OSBPL2: variants seen among roughly 807,000 people sequenced by gnomAD.
OSBPL2 encodes the protein oxysterol-binding protein-related protein 2.
OSBPL2 carries 18 observed loss-of-function variants against 58.4 expected under a neutral mutation model. The ratio of observed to expected loss-of-function variants is 0.31; its 90% CI spans 0.21 to 0.46. The LOEUF (loss-of-function observed/expected upper bound fraction) is 0.46, where lower values mean the gene tolerates loss of function less well. OSBPL2 is among the 20% of genes least tolerant of loss of function. The pLI, the probability that OSBPL2 is intolerant of heterozygous loss-of-function variation, is 1.00. For synonymous variants in OSBPL2, 221 were observed against 234.1 expected, an observed-to-expected ratio of 0.94 and a Z score of 0.51; for missense variants, 461 against 616.5, an observed-to-expected ratio of 0.75 and a Z score of 2.67.
At position 62,296,088 on chromosome 20, in the gene OSBPL2, T is replaced by C. The variant is rs1983841360; in HGVS notation, c.*2201T>C. On this transcript the variant is annotated 3_prime_UTR_variant, in exon 14 of 14. Transcript: ENST00000313733. ...CTTTTTACTACTTTTTGTTACTGTT[T>C]CTGCAAATGCTAACACATAAACCAT... 1.3e-5 allele frequency: 2 copies of C among 152,272 alleles called. No individual in the cohort carries two copies. The highest frequency in any genetic ancestry group is 2.1e-4 in the South Asian group (1 of 4,834). 9.4% of individuals were successfully genotyped at this position (152,272 alleles called of 1,614,324 possible).
intron 2 of OSBPL2, 35 bp from the exon 3 acceptor site, chr20:62,259,946 T>G: frequency 1.2e-6 from 2 of 1,602,196 alleles, no homozygotes; most frequent in Non-Finnish European, 1.7e-6. Context: ...ATCTTTCAGG[T>G]CCAGCGAAAA....
At chr20:62,289,006 T>G (rs557711044) in intron 11 of OSBPL2, among the ~76,000 whole-genome samples, 1 of 152,298 alleles carries the variant, frequency 6.6e-6, no homozygotes, top group East Asian at 1.9e-4. Flanking sequence ...ATGCAAACGT[T>G]ACAGCCGCAG....
intron 4 of OSBPL2, among the ~76,000 whole-genome samples, chr20:62,268,122 C>T (rs1299535657): frequency 7.0e-6 from 1 of 142,160 alleles, no homozygotes; most frequent in Non-Finnish European, 1.5e-5. Context: ...TGGTCTCAAA[C>T]TCCTGACCTT....
chr20:62,263,837 G>A lies in OSBPL2; in HGVS notation c.258+146G>A, dbSNP rs1981482932. 3 of 678,808 alleles carry A rather than the reference G, an allele frequency of 4.4e-6. No homozygotes were observed. In the African/African-American group the frequency reaches 5.3e-5, roughly 12 times the overall value. The allele number at this position is 678,808 out of a possible 1,614,324, so 42.0% of individuals were successfully genotyped here. ...TCTCAGCACTTTGGGAGGCCGAGGT[G>A]GGCGGATCACGAGGTCAGGAGATCG... is the stretch of plus-strand genomic sequence containing the variant. On this transcript the variant is annotated intron_variant, in intron 4 of 13. Transcript: ENST00000313733.
chr20:62,256,274 G>A (rs2145927626), intron 2 of OSBPL2, 53 bp downstream of exon 2: 7 of 1,547,866 alleles, frequency 4.5e-6, no homozygotes, highest in Non-Finnish European at 6.2e-6. Flanking sequence ...AACGTCCCTG[G>A]ATTCAGATGT....
At chr20:62,252,879 T>C (rs1980653810) in intron 1 of OSBPL2, among the ~76,000 whole-genome samples, 1 of 152,214 alleles carries the variant, frequency 6.6e-6, no homozygotes, top group Admixed American at 6.5e-5. Context: ...CACTCATCCT[T>C]GCCCAGGACC....
chr20:62,249,808 A>G (rs979385916), intron 1 of OSBPL2, among the ~76,000 whole-genome samples: 1 of 152,182 alleles, frequency 6.6e-6, no homozygotes, highest in Non-Finnish European at 1.5e-5. Context: ...TCCCGACCTC[A>G]GGTGATCCAC....
chr20:62,290,815 T>C (rs1983461090), intron 12 of OSBPL2, among the ~76,000 whole-genome samples: 1 of 148,832 alleles, frequency 6.7e-6, no homozygotes, highest in Non-Finnish European at 1.5e-5. Context: ...CTCGGCTCAC[T>C]GCAACCTCTG....
At position 62,241,240 on chromosome 20, in the gene OSBPL2, G is replaced by A. The variant is rs976508110; in HGVS notation, c.-129+2643G>A. Among the ~76,000 whole-genome samples, 7 of 151,674 alleles carry A rather than the reference G, an allele frequency of 4.6e-5. No homozygotes were observed. The South Asian group carries it at 1.2e-3, about 27-fold the overall frequency. ...GGCTGGAGTGCAGTGGCGCGAACTC[G>A]GCTCACTGCAAACGCGAACTCAGCT... On this transcript the variant is annotated intron_variant, in intron 1 of 13. Coordinates refer to ENST00000313733, the MANE Select transcript of OSBPL2 (RefSeq NM_144498.4).
At chr20:62,264,949 C>G (rs573819200) in intron 4 of OSBPL2, among the ~76,000 whole-genome samples, 2 of 152,174 alleles carry the variant, frequency 1.3e-5, no homozygotes, top group Non-Finnish European at 2.9e-5. Context: ...GTGAGGTACC[C>G]TTGCCAGGGC....
At position 62,283,680 on chromosome 20, in the gene OSBPL2, T is replaced by G. The variant is rs541906144; in HGVS notation, c.873-366T>G. 3.6e-4 allele frequency among the ~76,000 whole-genome samples: 55 copies of G among 152,258 alleles called. 1 individual carries two copies. The highest frequency in any genetic ancestry group is 1.1e-3 in the African/African-American group (47 of 41,538). On this transcript the variant is annotated intron_variant, in intron 9 of 13. Transcript: ENST00000313733. ...CAGCTTTACATTTTAAAACGCTCAC[T>G]CTTTTTTGCCCCTTCCCGTCTCCTG...
At chr20:62,245,702 C>T (rs1276320018) in intron 1 of OSBPL2, among the ~76,000 whole-genome samples, 1 of 152,228 alleles carries the variant, frequency 6.6e-6, no homozygotes, top group Non-Finnish European at 1.5e-5. Flanking sequence ...AGGGCAAAGG[C>T]CTGAGCGGCC....
Position 62,256,040 on chromosome 20 carries a change from A to C in OSBPL2, c.-128-17A>C. The C allele has an allele frequency of 1.1e-6, 1 of 892,952 alleles. No homozygotes were observed. Among genetic ancestry groups the C allele is most frequent in the Non-Finnish European group, 1.7e-6 (1 of 604,600 alleles). 55.3% of individuals were successfully genotyped at this position (892,952 alleles called of 1,614,324 possible). The stretch of plus-strand genomic sequence containing the variant: ...AACTTCTGGAAGCTAAGTATGCCAA[A>C]ATTTTTTTCCCTTTAGATCTTCAGT... On this transcript the variant is annotated splice_polypyrimidine_tract_variant and intron_variant, in intron 1 of 13. Transcript: ENST00000313733.
chr20:62,242,522 A>G (rs1979799910), intron 1 of OSBPL2: 1 of 152,112 alleles, frequency 6.6e-6, no homozygotes, highest in South Asian at 2.1e-4. Context: ...TCAGTGGAAC[A>G]CTCGCTTGAT....
At chr20:62,265,676 T>C (rs1338276646) in intron 4 of OSBPL2, among the ~76,000 whole-genome samples, 1 of 152,284 alleles carries the variant, frequency 6.6e-6, no homozygotes, top group African/African-American at 2.4e-5. Context: ...ATGTTTCTTT[T>C]AAAATAAACC....
chr20:62,291,806 G>T lies in OSBPL2; in HGVS notation c.1340+13G>T. On this transcript the variant is annotated intron_variant, in intron 13 of 13. Transcript: ENST00000313733. ...AGTGGCAGACGAGGTGAGTACTGTG[G>T]TAGCCACGCAGGCTGGGGCAGCGGG... 7.2e-7 allele frequency: 1 copy of T among 1,394,244 alleles called. No homozygotes were observed. The highest frequency in any genetic ancestry group is 2.1e-5 in the Admixed American group (1 of 47,074). The allele number at this position is 1,394,244 out of a possible 1,614,324, so 86.4% of individuals were successfully genotyped here.
chr20:62,284,855 C>T lies in OSBPL2; in HGVS notation c.996+686C>T, dbSNP rs140414119. 9 of 152,336 alleles carry T rather than the reference C, an allele frequency of 5.9e-5. No individual in the cohort carries two copies. In the East Asian group the frequency reaches 1.7e-3, roughly 29 times the overall value. 9.4% of individuals were successfully genotyped at this position (152,336 alleles called of 1,614,324 possible). The stretch of plus-strand genomic sequence containing the variant: ...GGGTCCTTCTTAATAAATCTTCTCG[C>T]TTTCTTTGAGTTAGCCTAGACATAT... On this transcript the variant is annotated intron_variant, in intron 10 of 13. Transcript: ENST00000313733.
At chr20:62,273,855 C>G (rs1268379521) in intron 6 of OSBPL2, among the ~76,000 whole-genome samples, 2 of 152,228 alleles carry the variant, frequency 1.3e-5, no homozygotes, top group African/African-American at 4.8e-5. Flanking sequence ...AGGAGCTTCA[C>G]TCCCAAGGCC....
intron 2 of OSBPL2, among the ~76,000 whole-genome samples, chr20:62,258,070 G>A (rs1257365926): frequency 2.0e-5 from 3 of 152,198 alleles, no homozygotes; most frequent in African/African-American, 7.2e-5. Context: ...CCAGCTGTGT[G>A]TGATGTGGTA....
Sources: allele counts gnomAD v4.1 joint callset (sites outside exome capture counted in the v4.1 genomes callset), GRCh38; gene constraint gnomAD v4.1.1; transcripts MANE v1.5; gene names NCBI Gene and HGNC (gene_info 2026-07-23, HGNC 2026-07-21).